Variants in TMEM178B observed in about 807,000 individuals in gnomAD.
The protein encoded by TMEM178B is transmembrane protein 178B.
A neutral mutation model predicts 31.0 loss-of-function variants in TMEM178B; 5 were observed. The observed-to-expected ratio is 0.16, with a 90% CI of 0.08 to 0.34. The LOEUF (loss-of-function observed/expected upper bound fraction) is 0.34, where lower values mean the gene tolerates loss of function less well. Ranked by LOEUF, TMEM178B falls within the 10% of genes least tolerant of loss-of-function variation. The probability of loss-of-function intolerance (pLI) is 1.00; values close to 1 mark genes in which losing one functional copy is unlikely to be tolerated. For synonymous variants in TMEM178B, 164 were observed against 164.0 expected (o/e 1.00, Z 0.00); for missense variants, 275 against 400.3 (o/e 0.69, Z 2.67).
intron 2 of TMEM178B, among the ~76,000 whole-genome samples, chr7:141,321,202 G>C (rs1457470125): frequency 1.3e-5 from 2 of 152,188 alleles, no homozygotes; most frequent in Admixed American, 1.3e-4. Context: ...ATGATCTCTA[G>C]AATTGACCAA....
chr7:141,227,479 C>T (rs1797364740), intron 2 of TMEM178B, among the ~76,000 whole-genome samples: 1 of 152,136 alleles, frequency 6.6e-6, no homozygotes, highest in South Asian at 2.1e-4. Context: ...CTCAAATGTA[C>T]TATGAGGTGA....
chr7:141,435,299 T>C (rs1801514481), intron 2 of TMEM178B, among the ~76,000 whole-genome samples: 1 of 152,256 alleles, frequency 6.6e-6, no homozygotes, highest in Non-Finnish European at 1.5e-5. Flanking sequence ...TAAGGAAGTA[T>C]AAGCCCCTTA....
chr7:141,157,998 G>T (rs1363798212), intron 1 of TMEM178B, among the ~76,000 whole-genome samples: 2 of 152,074 alleles, frequency 1.3e-5, no homozygotes, highest in African/African-American at 4.8e-5. Flanking sequence ...TTCCTTGTAG[G>T]CCAGCACGAG....
chr7:141,404,249 G>A (rs1184581810), intron 2 of TMEM178B, among the ~76,000 whole-genome samples: 2 of 152,212 alleles, frequency 1.3e-5, no homozygotes, highest in African/African-American at 4.8e-5. Context: ...AGCTTGCAAT[G>A]AGCCGAGATC....
chr7:141,186,893 G>C (rs1307544690), intron 1 of TMEM178B, among the ~76,000 whole-genome samples: 1 of 152,198 alleles, frequency 6.6e-6, no homozygotes, highest in African/African-American at 2.4e-5. Flanking sequence ...GGATGGCACA[G>C]AGCCTGTTTC....
chr7:141,122,748 G>A (rs1235938628), intron 1 of TMEM178B, among the ~76,000 whole-genome samples: 2 of 152,080 alleles, frequency 1.3e-5, no homozygotes, highest in African/African-American at 2.4e-5. Context: ...TTTTCATCTT[G>A]CCTATTATTT....
At position 141,216,448 on chromosome 7, in the gene TMEM178B, T is replaced by C. The variant is rs868243445; in HGVS notation, c.496+3744T>C. 2.3e-3 allele frequency among the ~76,000 whole-genome samples: 319 copies of C among 135,918 alleles called. 4 individuals are homozygous for C. The highest frequency in any genetic ancestry group is 6.6e-3 in the South Asian group (27 of 4,118). 89.2% of individuals were successfully genotyped at this position (135,918 alleles called of 152,430 possible). ...CTGTGTGTGTGTGTGTGTGTGTGTG[T>C]GCGCGCGCGCGCGCGTGTGTGTGTG... On this transcript the variant is annotated intron_variant, in intron 2 of 3. Transcript: ENST00000565468.
At chr7:141,297,473 A>T (rs1798654675) in intron 2 of TMEM178B, among the ~76,000 whole-genome samples, 1 of 152,186 alleles carries the variant, frequency 6.6e-6, no homozygotes, top group South Asian at 2.1e-4. Flanking sequence ...CGTCATTTAC[A>T]TTAGGTATAT....
chr7:141,397,161 G>A (rs1217116676), intron 2 of TMEM178B, among the ~76,000 whole-genome samples: 1 of 152,180 alleles, frequency 6.6e-6, no homozygotes, highest in Non-Finnish European at 1.5e-5. Flanking sequence ...ATGAGATCGT[G>A]GAATTTTCTG....
chr7:141,174,436 CTT>C (rs1442865643), intron 1 of TMEM178B, among the ~76,000 whole-genome samples: 1 of 152,078 alleles, frequency 6.6e-6, no homozygotes, highest in Non-Finnish European at 1.5e-5. Context: ...GCGCATGTGT[CTT>C]TATAGTAGAA....
chr7:141,276,390 A>G (rs1798266869), intron 2 of TMEM178B, among the ~76,000 whole-genome samples: 1 of 152,190 alleles, frequency 6.6e-6, no homozygotes, highest in Non-Finnish European at 1.5e-5. Flanking sequence ...TAATTTATAA[A>G]GGAAAGAGGT....
intron 3 of TMEM178B, among the ~76,000 whole-genome samples, chr7:141,443,352 A>C (rs959291946): frequency 6.6e-6 from 1 of 152,144 alleles, no homozygotes; most frequent in African/African-American, 2.4e-5. Context: ...CTGTTCTAGG[A>C]TCCCGTTCAG....
At chr7:141,385,023 A>G (rs1254178099) in intron 2 of TMEM178B, among the ~76,000 whole-genome samples, 1 of 152,204 alleles carries the variant, frequency 6.6e-6, no homozygotes, top group Non-Finnish European at 1.5e-5. Flanking sequence ...AAACCAAACC[A>G]TCTTTCTACA....
chr7:141,378,918 G>T (rs1402562474), intron 2 of TMEM178B, among the ~76,000 whole-genome samples: 1 of 152,122 alleles, frequency 6.6e-6, no homozygotes, highest in Non-Finnish European at 1.5e-5. Context: ...TTTCAGAATT[G>T]CCCTTGGGGG....
rs1262262320 is a variant in TMEM178B at position 141,476,516 on chromosome 7, T to G, written c.*5730T>G. The G allele has an allele frequency of 6.6e-6, 1 of 152,192 alleles. No individual in the cohort carries two copies. The highest frequency in any genetic ancestry group is 1.5e-5 in the Non-Finnish European group (1 of 68,042). The allele number at this position is 152,192 out of a possible 1,614,324, so 9.4% of individuals were successfully genotyped here. A position where few individuals can be genotyped will look rare whatever the true frequency, so the allele number is the denominator to read the frequency against. On this transcript the variant is annotated 3_prime_UTR_variant, in exon 4 of 4. Coordinates refer to ENST00000565468, the MANE Select transcript of TMEM178B (RefSeq NM_001195278.2). ...AGGAATGGGTGGAAGCAAATCAGAT[T>G]CTGAAAGGTTTCAATGATCTTTCAA...
intron 1 of TMEM178B, among the ~76,000 whole-genome samples, chr7:141,178,164 T>A (rs1563108954): frequency 6.6e-6 from 1 of 152,200 alleles, no homozygotes; most frequent in Non-Finnish European, 1.5e-5. Context: ...TGCCATTTCC[T>A]TGTCTGTAAA....
chr7:141,139,292 C>T (rs1483504215), intron 1 of TMEM178B, among the ~76,000 whole-genome samples: 2 of 152,190 alleles, frequency 1.3e-5, no homozygotes, highest in African/African-American at 4.8e-5. Context: ...TGGTTTCCAT[C>T]TTTGCTCAAA....
intron 2 of TMEM178B, among the ~76,000 whole-genome samples, chr7:141,387,815 C>T (rs530538066): frequency 6.6e-6 from 1 of 152,264 alleles, no homozygotes; most frequent in East Asian, 1.9e-4. Context: ...GCCTCTCATC[C>T]ACCCACTCTT....
chr7:141,411,337 T>C (rs1421427646), intron 2 of TMEM178B, among the ~76,000 whole-genome samples: 1 of 152,188 alleles, frequency 6.6e-6, no homozygotes, highest in East Asian at 1.9e-4. Context: ...GTTCTGGAAA[T>C]GGGTGGTGGT....
Sources: allele counts gnomAD v4.1 joint callset (sites outside exome capture counted in the v4.1 genomes callset), GRCh38; gene constraint gnomAD v4.1.1; transcripts MANE v1.5; gene names NCBI Gene and HGNC (gene_info 2026-07-23, HGNC 2026-07-21).